The following KCNH1 variants were observed in gnomAD, a reference collection of about 807,000 sequenced individuals.
KCNH1 encodes the protein voltage-gated delayed rectifier potassium channel KCNH1.
In KCNH1, 27 loss-of-function variants were observed where a neutral mutation model predicts 69.2. That is an observed-to-expected ratio of 0.39 (90% CI 0.29 to 0.54). KCNH1 has a LOEUF of 0.54. KCNH1 is among the 20% of genes least tolerant of loss of function. The pLI is 0.68. For missense variants in KCNH1, 798 were observed against 1,261.6 expected (o/e 0.63, Z 5.57); for synonymous variants, 456 against 487.7 (o/e 0.93, Z 0.86).
At chr1:210,954,485 C>T (rs566474686) in intron 6 of KCNH1, among the ~76,000 whole-genome samples, 117 of 152,342 alleles carry the variant, frequency 7.7e-4, no homozygotes, top group African/African-American at 2.7e-3. Flanking sequence ...GCCACACTGT[C>T]TTCCACAATG....
intron 7 of KCNH1, among the ~76,000 whole-genome samples, chr1:210,909,257 T>C (rs928595621): frequency 5.9e-5 from 9 of 152,258 alleles, no homozygotes; most frequent in Admixed American, 5.9e-4. Context: ...GCTCTTCTTA[T>C]ACAAAGCATT....
At chr1:210,710,258 G>A (rs969754151) in intron 10 of KCNH1, among the ~76,000 whole-genome samples, 8 of 152,122 alleles carry the variant, frequency 5.3e-5, no homozygotes, top group Non-Finnish European at 8.8e-5. Context: ...AGGGCACTTA[G>A]CAAGAATGGA....
chr1:210,830,794 G>A (rs1454099322), intron 7 of KCNH1, among the ~76,000 whole-genome samples: 10 of 151,978 alleles, frequency 6.6e-5, no homozygotes, highest in Admixed American at 5.9e-4. Context: ...CAATCCTAAC[G>A]CATTTAATTT....
intron 5 of KCNH1, among the ~76,000 whole-genome samples, chr1:211,027,043 T>A (rs1017482563): frequency 8.6e-5 from 13 of 152,012 alleles, no homozygotes; most frequent in African/African-American, 3.1e-4. Context: ...AAACTTTCAA[T>A]AAAAAATTCA....
intron 5 of KCNH1, among the ~76,000 whole-genome samples, chr1:211,055,831 C>T (rs1437063961): frequency 6.6e-6 from 1 of 152,176 alleles, no homozygotes; most frequent in East Asian, 1.9e-4. Flanking sequence ...AACCTGATGC[C>T]TTGAACAAAA....
At chr1:210,785,291 A>G (rs1250699918) in intron 9 of KCNH1, among the ~76,000 whole-genome samples, 2 of 152,198 alleles carry the variant, frequency 1.3e-5, no homozygotes, top group Non-Finnish European at 2.9e-5. Context: ...CAGGAAAAAA[A>G]GTTGGATGGT....
chr1:211,121,610 C>T (rs1339594874), intron 1 of KCNH1, among the ~76,000 whole-genome samples: 2 of 152,174 alleles, frequency 1.3e-5, no homozygotes, highest in Non-Finnish European at 2.9e-5. Context: ...CCATTCAGGA[C>T]ATGGGCATGG....
At chr1:211,026,536 C>T (rs1202472669) in intron 5 of KCNH1, among the ~76,000 whole-genome samples, 1 of 152,186 alleles carries the variant, frequency 6.6e-6, no homozygotes, top group African/African-American at 2.4e-5. Context: ...CACCCCGCCT[C>T]AGCTACGCCA....
At chr1:210,813,187 C>T (rs1264463142) in intron 7 of KCNH1, among the ~76,000 whole-genome samples, 4 of 152,138 alleles carry the variant, frequency 2.6e-5, no homozygotes, top group Non-Finnish European at 5.9e-5. Flanking sequence ...GTCATGAAGA[C>T]AGTAACCTAG....
intron 9 of KCNH1, among the ~76,000 whole-genome samples, chr1:210,797,285 G>A (rs960374361): frequency 2.6e-5 from 4 of 152,158 alleles, no homozygotes; most frequent in African/African-American, 9.7e-5. Context: ...GCCCCTTGAG[G>A]ATAAAACCCA....
intron 4 of KCNH1, 38 bp from the exon 5 acceptor site, chr1:211,082,936 A>AG (rs771428711): frequency 7.1e-6 from 11 of 1,542,548 alleles, no homozygotes. Flanking sequence ...AGGGTCAACC[A>AG]CATCCCAAAG....
intron 7 of KCNH1, among the ~76,000 whole-genome samples, chr1:210,902,847 G>A (rs1687024338): frequency 6.6e-6 from 1 of 152,126 alleles, no homozygotes. Flanking sequence ...AAAACTTCCT[G>A]TCATGTCTGC....
chr1:210,874,232 A>G (rs1686315725), intron 7 of KCNH1, among the ~76,000 whole-genome samples: 1 of 152,242 alleles, frequency 6.6e-6, no homozygotes, highest in Non-Finnish European at 1.5e-5. Flanking sequence ...GGAAAGACAG[A>G]AGAAACCTGA....
intron 9 of KCNH1, among the ~76,000 whole-genome samples, chr1:210,786,998 C>T (rs1464288219): frequency 6.6e-6 from 1 of 152,104 alleles, no homozygotes; most frequent in African/African-American, 2.4e-5. Flanking sequence ...ACACAGCTGC[C>T]AGGATGATTT....
At chr1:210,862,237 G>C in intron 7 of KCNH1, 1 of 1,131,396 alleles carries the variant, frequency 8.8e-7, no homozygotes, top group Non-Finnish European at 1.3e-6. Context: ...TTGCAGGGCT[G>C]GGTCCATGGT....
At chr1:210,705,198 G>A (rs927665664) in intron 10 of KCNH1, among the ~76,000 whole-genome samples, 2 of 152,218 alleles carry the variant, frequency 1.3e-5, no homozygotes, top group African/African-American at 2.4e-5. Flanking sequence ...GGCACCCGCT[G>A]AGAAGTATCT....
At chr1:211,083,209 A>C (rs553897707) in intron 4 of KCNH1, among the ~76,000 whole-genome samples, 1 of 152,370 alleles carries the variant, frequency 6.6e-6, no homozygotes, top group African/African-American at 2.4e-5. Context: ...AAGAGTCTAG[A>C]ACATCTCTTC....
chr1:210,917,219 GAGAGAGAGAGAGAAAGAAAGAAAGAA>G (rs778080590), intron 7 of KCNH1, among the ~76,000 whole-genome samples: 26 of 127,080 alleles, frequency 2.0e-4, no homozygotes, highest in South Asian at 8.4e-4. Context: ...GAGAGAGAGA[GAGAGAGAGAGAGAAAGAAAGAAAGAA>G]AGAAAGAAAG....
At chr1:210,723,203 A>C (rs1413595962) in intron 10 of KCNH1, among the ~76,000 whole-genome samples, 1 of 152,192 alleles carries the variant, frequency 6.6e-6, no homozygotes, top group Non-Finnish European at 1.5e-5. Flanking sequence ...CTTCCTGAAA[A>C]GAAAAAAAAT....
Sources: allele counts gnomAD v4.1 joint callset (sites outside exome capture counted in the v4.1 genomes callset), GRCh38; gene constraint gnomAD v4.1.1; transcripts MANE v1.5; gene names NCBI Gene and HGNC (gene_info 2026-07-23, HGNC 2026-07-21).